The following AK9 variants were observed in gnomAD, a reference collection of about 807,000 sequenced individuals.
The protein encoded by AK9 is adenylate kinase 9, also known as adenylate kinase domain containing 1.
Under a neutral mutation model 239.6 loss-of-function variants are expected in AK9, and 191 were observed. That is an observed-to-expected ratio of 0.80 (90% CI 0.71 to 0.90). The LOEUF (loss-of-function observed/expected upper bound fraction) is 0.90, where lower values mean the gene tolerates loss of function less well. Ranked by LOEUF, AK9 falls within the 40% of genes least tolerant of loss-of-function variation. The pLI, the probability that AK9 is intolerant of heterozygous loss-of-function variation, is 0.00. For missense variants in AK9, 1,995 were observed against 2,214.7 expected (o/e 0.90, Z 1.99); for synonymous variants, 689 against 721.0 (o/e 0.96, Z 0.71).
Position 109,585,844 on chromosome 6 carries a change from C to T in AK9, c.1999+72G>A, listed in dbSNP as rs551874561. The T allele has an allele frequency of 4.6e-5, 63 of 1,369,856 alleles. 1 individual carries two copies. Among genetic ancestry groups the T allele is most frequent in the Admixed American group, 2.4e-4 (10 of 40,952 alleles). The allele number at this position is 1,369,856 out of a possible 1,614,324, so 84.9% of individuals were successfully genotyped here. A position where few individuals can be genotyped will look rare whatever the true frequency, so the allele number is the denominator to read the frequency against. On this transcript the variant is annotated intron_variant, in intron 18 of 40. Coordinates refer to ENST00000424296, the MANE Select transcript of AK9 (RefSeq NM_001145128.3). ...TATCTAGGAAGAGTGGAGAGTTGTC[C>T]GTTCTATATTTAACCAAAAATATCA... is the stretch of plus-strand genomic sequence containing the variant.
chr6:109,544,880 T>C (rs1301339740), intron 26 of AK9, among the ~76,000 whole-genome samples: 1 of 152,188 alleles, frequency 6.6e-6, no homozygotes, highest in Non-Finnish European at 1.5e-5. Flanking sequence ...AAAAGTTTAT[T>C]GTCTAAGTCA....
chr6:109,652,374 C>A (rs1799095273), intron 8 of AK9, among the ~76,000 whole-genome samples: 1 of 152,172 alleles, frequency 6.6e-6, no homozygotes, highest in Non-Finnish European at 1.5e-5. Context: ...TGAAAACTCT[C>A]AATAAACTAG....
chr6:109,627,957 T>C (rs1322266607), intron 12 of AK9, among the ~76,000 whole-genome samples: 1 of 152,202 alleles, frequency 6.6e-6, no homozygotes, highest in East Asian at 1.9e-4. Flanking sequence ...ACTTCTATTT[T>C]ATGCTTTATT....
chr6:109,555,546 G>A (rs758332378), intron 24 of AK9, among the ~76,000 whole-genome samples: 8 of 152,214 alleles, frequency 5.3e-5, no homozygotes, highest in Non-Finnish European at 1.0e-4. Context: ...CCAGAGTTGA[G>A]TTCAAGTCCT....
chr6:109,623,477 C>T (rs951125732), intron 12 of AK9, among the ~76,000 whole-genome samples: 5 of 152,118 alleles, frequency 3.3e-5, no homozygotes, highest in African/African-American at 1.2e-4. Flanking sequence ...ACTGAGGTCT[C>T]ATTCATGTGA....
At chr6:109,628,534 C>G (rs773204284) in intron 12 of AK9, among the ~76,000 whole-genome samples, 1 of 152,164 alleles carries the variant, frequency 6.6e-6, no homozygotes, top group Non-Finnish European at 1.5e-5. Flanking sequence ...AGGGTTAGTT[C>G]ACTGTCATGG....
intron 12 of AK9, 173 bp downstream of exon 12, chr6:109,632,750 C>A: frequency 4.5e-6 from 6 of 1,330,660 alleles, no homozygotes; most frequent in Non-Finnish European, 5.8e-6. Context: ...AGAATGCCTA[C>A]CCTACCCCAA....
chr6:109,602,481 A>T (rs2128230390), intron 17 of AK9, among the ~76,000 whole-genome samples: 1 of 152,146 alleles, frequency 6.6e-6, no homozygotes, highest in East Asian at 1.9e-4. Context: ...GGGTAACCCG[A>T]CCTTTCTCTC....
intron 12 of AK9, chr6:109,632,706 G>T: frequency 8.7e-7 from 1 of 1,148,604 alleles, no homozygotes; most frequent in Non-Finnish European, 1.1e-6. Flanking sequence ...AGCAGGGAGG[G>T]ACTCTGGTCT....
intron 24 of AK9, among the ~76,000 whole-genome samples, chr6:109,552,130 G>A (rs575997105): frequency 2.0e-5 from 3 of 152,160 alleles, no homozygotes; most frequent in Admixed American, 1.3e-4. Context: ...TCATTGATGG[G>A]CATTTGGGTT....
chr6:109,541,057 T>C (rs1391526525), intron 27 of AK9, among the ~76,000 whole-genome samples: 1 of 152,210 alleles, frequency 6.6e-6, no homozygotes, highest in Non-Finnish European at 1.5e-5. Context: ...TTACATTTAA[T>C]AGCTAAGTCC....
chr6:109,629,783 T>C (rs867146095), intron 12 of AK9, among the ~76,000 whole-genome samples: 2 of 152,032 alleles, frequency 1.3e-5, no homozygotes, highest in South Asian at 2.1e-4. Context: ...CAGGCGCCCG[T>C]CACCGTGCCC....
chr6:109,507,373 T>G (rs1411312563), intron 33 of AK9, among the ~76,000 whole-genome samples: 1 of 152,084 alleles, frequency 6.6e-6, no homozygotes, highest in Non-Finnish European at 1.5e-5. Context: ...CCATGCTTGC[T>G]TTTTGTAGTA....
chr6:109,506,605 G>T, intron 34 of AK9, 49 bp downstream of exon 34: 1 of 1,532,048 alleles, frequency 6.5e-7, no homozygotes, highest in Non-Finnish European at 8.8e-7. Context: ...CTTTTCCCCC[G>T]TATGATTAAA....
At position 109,598,901 on chromosome 6, in the gene AK9, G is replaced by A. The variant is rs560892151; in HGVS notation, c.1842+11464C>T. Among the ~76,000 whole-genome samples, 40 of 152,098 alleles carry A rather than the reference G, an allele frequency of 2.6e-4. No homozygotes were observed. In the East Asian group the frequency reaches 7.3e-3, roughly 28 times the overall value. On this transcript the variant is annotated intron_variant, in intron 17 of 40. Coordinates refer to ENST00000424296, the MANE Select transcript of AK9 (RefSeq NM_001145128.3). ...TGAGAAGTGTCTGTTCATATCCTTT[G>A]CCCACTTGTTGATGGGGTTGTTTGT...
chr6:109,621,973 AC>A (rs1004129326), intron 12 of AK9, among the ~76,000 whole-genome samples: 2 of 147,708 alleles, frequency 1.4e-5, no homozygotes, highest in Non-Finnish European at 3.0e-5. Flanking sequence ...AACAAAAAAA[AC>A]TGTCAAAGAT....
At chr6:109,678,193 A>C (rs538396591) in intron 1 of AK9, among the ~76,000 whole-genome samples, 2 of 152,354 alleles carry the variant, frequency 1.3e-5, no homozygotes, top group South Asian at 4.1e-4. Context: ...AATTAAGCAA[A>C]CTGTGGTACA....
chr6:109,627,582 C>A (rs1454500901), intron 12 of AK9, among the ~76,000 whole-genome samples: 1 of 152,160 alleles, frequency 6.6e-6, no homozygotes, highest in Non-Finnish European at 1.5e-5. Flanking sequence ...GAGAAATTTT[C>A]AGCTCCATTA....
At chr6:109,548,581 C>G (rs1047739378) in intron 25 of AK9, among the ~76,000 whole-genome samples, 3 of 152,132 alleles carry the variant, frequency 2.0e-5, no homozygotes, top group African/African-American at 7.2e-5. Flanking sequence ...AAAAATTTGT[C>G]TTGTTTGTGG....
Sources: allele counts gnomAD v4.1 joint callset (sites outside exome capture counted in the v4.1 genomes callset), GRCh38; gene constraint gnomAD v4.1.1; transcripts MANE v1.5; gene names NCBI Gene and HGNC (gene_info 2026-07-23, HGNC 2026-07-21).